The following PPP1R12B variants were observed in gnomAD, a reference collection of about 807,000 sequenced individuals.
PPP1R12B encodes myosin phosphatase target subunit 2.
Under a neutral mutation model 126.1 loss-of-function variants are expected in PPP1R12B, and 76 were observed. The observed-to-expected ratio is 0.60, with a 90% CI of 0.50 to 0.73. The LOEUF (loss-of-function observed/expected upper bound fraction) is 0.73, where lower values mean the gene tolerates loss of function less well. PPP1R12B is among the 30% of genes least tolerant of loss of function. The pLI is 0.00. For synonymous variants in PPP1R12B, 356 were observed against 434.7 expected (o/e 0.82, Z 2.25); for missense variants, 1,052 against 1,205.1 (o/e 0.87, Z 1.88).
chr1:202,456,878 A>G (rs1673710839), intron 13 of PPP1R12B, among the ~76,000 whole-genome samples: 1 of 152,236 alleles, frequency 6.6e-6, no homozygotes. Flanking sequence ...TAAACTGTAA[A>G]AACAGTTTCA....
At position 202,582,029 on chromosome 1, in the gene PPP1R12B, A is replaced by C. The variant is rs2149046366; in HGVS notation, c.*1469A>C. On this transcript the variant is annotated 3_prime_UTR_variant, in exon 24 of 24. Transcript: ENST00000608999. ...TGGTGGCTATGCATTTATTACTCAA[A>C]AGTTGGGCAACTCTAATAACGAGAG... The C allele has an allele frequency of 6.6e-6, 1 of 152,258 alleles. No homozygotes were observed. Among genetic ancestry groups the C allele is most frequent in the African/African-American group, 2.4e-5 (1 of 41,538 alleles). 9.4% of individuals were successfully genotyped at this position (152,258 alleles called of 1,614,324 possible).
intron 18 of PPP1R12B, among the ~76,000 whole-genome samples, chr1:202,542,970 G>T (rs774006242): frequency 1.3e-5 from 2 of 152,150 alleles, no homozygotes; most frequent in Non-Finnish European, 2.9e-5. Context: ...ACGGAGGATT[G>T]AAATTTCAGC....
intron 5 of PPP1R12B, among the ~76,000 whole-genome samples, chr1:202,427,712 T>C (rs1020098365): frequency 1.3e-5 from 2 of 152,152 alleles, no homozygotes; most frequent in Admixed American, 6.5e-5. Flanking sequence ...TGGTGCGACC[T>C]CAGCTCACTG....
At chr1:202,490,537 A>G (rs996855163) in intron 14 of PPP1R12B, among the ~76,000 whole-genome samples, 1 of 152,170 alleles carries the variant, frequency 6.6e-6, no homozygotes, top group African/African-American at 2.4e-5. Context: ...GTTTAATGGC[A>G]TTAAGTACAT....
chr1:202,558,599 T>C (rs1001541226), intron 18 of PPP1R12B: 2 of 343,776 alleles, frequency 5.8e-6, no homozygotes, highest in Admixed American at 9.8e-5. Context: ...TTGATCATTT[T>C]ACATTTTGCT....
At chr1:202,548,820 A>C (rs866725480) in intron 18 of PPP1R12B, among the ~76,000 whole-genome samples, 201 of 142,550 alleles carry the variant, frequency 1.4e-3, no homozygotes, top group Middle Eastern at 7.2e-3. Context: ...ATATATATAT[A>C]TATATATATA....
chr1:202,480,471 G>A (rs1255266719), intron 13 of PPP1R12B, among the ~76,000 whole-genome samples: 3 of 152,162 alleles, frequency 2.0e-5, no homozygotes, highest in Non-Finnish European at 4.4e-5. Flanking sequence ...TTACTTCAAA[G>A]CATTACTGAT....
chr1:202,518,155 G>A (rs979639076), intron 18 of PPP1R12B, among the ~76,000 whole-genome samples: 47 of 152,184 alleles, frequency 3.1e-4, no homozygotes, highest in Non-Finnish European at 2.6e-4. Context: ...ATGGGAAGGA[G>A]GGGGATTTTA....
intron 10 of PPP1R12B, chr1:202,438,381 C>T (rs995369877): frequency 1.5e-5 from 11 of 716,822 alleles, no homozygotes; most frequent in Admixed American, 5.4e-5. Flanking sequence ...GGCCAATTCC[C>T]GTCCCCCCAG....
At chr1:202,408,594 A>C (rs1666950581) in intron 1 of PPP1R12B, among the ~76,000 whole-genome samples, 1 of 152,120 alleles carries the variant, frequency 6.6e-6, no homozygotes, top group South Asian at 2.1e-4. Flanking sequence ...TGGTGGCCTA[A>C]AACAAAATTA....
At chr1:202,510,876 T>A (rs1203285491) in intron 18 of PPP1R12B, among the ~76,000 whole-genome samples, 2 of 146,964 alleles carry the variant, frequency 1.4e-5, no homozygotes, top group African/African-American at 4.9e-5. Context: ...ATATATATAT[T>A]ATATATTATA....
chr1:202,562,651 A>G lies in PPP1R12B; in HGVS notation c.2508-127A>G, dbSNP rs182448115. 2.6e-3 allele frequency: 2,699 copies of G among 1,045,204 alleles called. 9 individuals carry two copies. The highest frequency in any genetic ancestry group is 3.3e-3 in the Non-Finnish European group (2,186 of 664,278). 64.7% of individuals were successfully genotyped at this position (1,045,204 alleles called of 1,614,324 possible). A position where few individuals can be genotyped will look rare whatever the true frequency, so the allele number is the denominator to read the frequency against. ...CAGAGAGATTGAAGGAAAGAATGTT[A>G]TGAGTTGTTTCTGGCCAGGGCTCCG... On this transcript the variant is annotated intron_variant, in intron 19 of 23. Transcript: ENST00000608999.
rs1220578747 is a variant in PPP1R12B at position 202,419,570 on chromosome 1, C to T, written c.422+2653C>T. The stretch of plus-strand genomic sequence containing the variant: ...AGAGCCAAATTACTTTCTAAAAATT[C>T]GTCTTCTTGATTGTAGAACATGGGA... On this transcript the variant is annotated intron_variant, in intron 2 of 23. Coordinates refer to ENST00000608999, the MANE Select transcript of PPP1R12B (RefSeq NM_002481.4). This position sits in a 1 kb window ranked among gnomAD's most constrained non-coding sequence, Gnocchi z 4.6. Among the ~76,000 whole-genome samples, 3 of 151,938 alleles carry T rather than the reference C, an allele frequency of 2.0e-5. No homozygotes were observed. Among genetic ancestry groups the T allele is most frequent in the Admixed American group, 6.6e-5 (1 of 15,248 alleles).
intron 18 of PPP1R12B, among the ~76,000 whole-genome samples, chr1:202,525,124 C>T (rs1365827198): frequency 6.6e-6 from 1 of 152,118 alleles, no homozygotes; most frequent in African/African-American, 2.4e-5. Context: ...AGTGATCTTC[C>T]CACCTTGGCT....
At chr1:202,393,698 AAAT>A (rs1664483807) in intron 1 of PPP1R12B, among the ~76,000 whole-genome samples, 1 of 152,200 alleles carries the variant, frequency 6.6e-6, no homozygotes, top group Admixed American at 6.5e-5. Flanking sequence ...GGAAAAACCT[AAAT>A]TTATATAAAT....
intron 18 of PPP1R12B, among the ~76,000 whole-genome samples, chr1:202,555,464 A>C (rs1327218764): frequency 2.4e-5 from 3 of 124,710 alleles, no homozygotes; most frequent in African/African-American, 9.6e-5. Flanking sequence ...AGAAGAAACT[A>C]AAAAAAAAAA....
At chr1:202,385,956 C>T (rs1250348624) in intron 1 of PPP1R12B, among the ~76,000 whole-genome samples, 4 of 150,248 alleles carry the variant, frequency 2.7e-5, no homozygotes, top group African/African-American at 4.9e-5. Flanking sequence ...TTTTTTGAGA[C>T]GGAGTCTTGC....
intron 12 of PPP1R12B, chr1:202,445,015 C>T: frequency 8.0e-7 from 1 of 1,246,522 alleles, no homozygotes; most frequent in Non-Finnish European, 1.0e-6. Context: ...GCAGCATGTC[C>T]TGAAGAAAGT....
At chr1:202,356,430 TGTG>T (rs1197106771) in intron 1 of PPP1R12B, among the ~76,000 whole-genome samples, 1 of 152,058 alleles carries the variant, frequency 6.6e-6, no homozygotes, top group Non-Finnish European at 1.5e-5. Context: ...TGTTGGAAGA[TGTG>T]GTAGGCTGAC....
Sources: allele counts gnomAD v4.1 joint callset (sites outside exome capture counted in the v4.1 genomes callset), GRCh38; gene constraint gnomAD v4.1.1; non-coding constraint Gnocchi (gnomAD v3.1); transcripts MANE v1.5; gene names NCBI Gene and HGNC (gene_info 2026-07-23, HGNC 2026-07-21).